Variants in CYP7B1 observed in about 807,000 individuals in gnomAD.
The protein encoded by CYP7B1 is cytochrome P450 family 7 subfamily B member 1.
In CYP7B1, 29 loss-of-function variants were observed where a neutral mutation model predicts 42.7. The observed-to-expected ratio is 0.68, with a 90% CI of 0.51 to 0.93. The LOEUF is 0.93. CYP7B1 is among the 40% of genes least tolerant of loss of function. The probability of loss-of-function intolerance (pLI) is 0.00; values close to 1 mark genes in which losing one functional copy is unlikely to be tolerated. For missense variants in CYP7B1, 655 were observed against 600.5 expected (o/e 1.09, Z -0.95); for synonymous variants, 235 against 218.2 (o/e 1.08, Z -0.68).
At chr8:64,620,361 C>T (rs1404483855) in intron 2 of CYP7B1, among the ~76,000 whole-genome samples, 1 of 151,972 alleles carries the variant, frequency 6.6e-6, no homozygotes, top group Non-Finnish European at 1.5e-5. Context: ...TGTACATATC[C>T]CCCCGCTTAT....
intron 1 of CYP7B1, among the ~76,000 whole-genome samples, chr8:64,666,044 T>A (rs1171306609): frequency 6.6e-6 from 1 of 152,210 alleles, no homozygotes; most frequent in Non-Finnish European, 1.5e-5. Flanking sequence ...AGAAAAGATA[T>A]TTGAATGATA....
At chr8:64,718,742 T>C (rs538870947) in intron 1 of CYP7B1, among the ~76,000 whole-genome samples, 2 of 152,316 alleles carry the variant, frequency 1.3e-5, no homozygotes, top group South Asian at 2.1e-4. Flanking sequence ...CCCCGTAGAA[T>C]GGCAGGTGCA....
At chr8:64,752,161 G>A (rs1807735493) in intron 1 of CYP7B1, among the ~76,000 whole-genome samples, 1 of 150,304 alleles carries the variant, frequency 6.7e-6, no homozygotes, top group South Asian at 2.1e-4. Flanking sequence ...GATCCATGAT[G>A]TATGTACTCC....
chr8:64,672,192 A>G, intron 1 of CYP7B1, among the ~76,000 whole-genome samples: 1 of 152,184 alleles, frequency 6.6e-6, no homozygotes, highest in Non-Finnish European at 1.5e-5. Context: ...TAACTAAGAA[A>G]CAAGCTGAGT....
chr8:64,787,102 C>A (rs79358939), intron 1 of CYP7B1, among the ~76,000 whole-genome samples: 5 of 152,140 alleles, frequency 3.3e-5, no homozygotes. Flanking sequence ...CCTCCTAGGC[C>A]TCTGGGCCTG....
At chr8:64,715,110 A>T (rs991660958) in intron 1 of CYP7B1, among the ~76,000 whole-genome samples, 3 of 152,234 alleles carry the variant, frequency 2.0e-5, no homozygotes, top group Non-Finnish European at 4.4e-5. Context: ...GTCTACTTTG[A>T]AATTTGATAG....
chr8:64,735,034 G>A (rs1807466458), intron 1 of CYP7B1, among the ~76,000 whole-genome samples: 1 of 152,258 alleles, frequency 6.6e-6, no homozygotes, highest in Admixed American at 6.5e-5. Flanking sequence ...GGAGGAGGTG[G>A]AGCTAAGGAG....
At chr8:64,660,387 T>G (rs1295383895) in intron 1 of CYP7B1, among the ~76,000 whole-genome samples, 2 of 152,224 alleles carry the variant, frequency 1.3e-5, no homozygotes, top group Non-Finnish European at 2.9e-5. Flanking sequence ...TTAGAGTGAT[T>G]CTGTTTCAAG....
At chr8:64,693,131 C>A (rs1806772526) in intron 1 of CYP7B1, among the ~76,000 whole-genome samples, 1 of 152,194 alleles carries the variant, frequency 6.6e-6, no homozygotes, top group Non-Finnish European at 1.5e-5. Context: ...CAGAGCCTAG[C>A]CAGAGTATGT....
chr8:64,761,168 A>T (rs1159139127), intron 1 of CYP7B1, among the ~76,000 whole-genome samples: 2 of 152,182 alleles, frequency 1.3e-5, no homozygotes, highest in Non-Finnish European at 2.9e-5. Flanking sequence ...GTAGAATGGT[A>T]GTTGCTAAGG....
chr8:64,674,754 G>A (rs1170018233), intron 1 of CYP7B1, among the ~76,000 whole-genome samples: 1 of 152,040 alleles, frequency 6.6e-6, no homozygotes, highest in East Asian at 1.9e-4. Context: ...TATACCTAAA[G>A]TGTTCTTAAT....
intron 5 of CYP7B1, among the ~76,000 whole-genome samples, chr8:64,602,195 A>G (rs1353254152): frequency 6.6e-6 from 1 of 152,200 alleles, no homozygotes; most frequent in Non-Finnish European, 1.5e-5. Context: ...ATTGCAAAAT[A>G]CTGTGTGTTA....
chr8:64,787,023 G>C (rs184110634), intron 1 of CYP7B1, among the ~76,000 whole-genome samples: 28 of 152,358 alleles, frequency 1.8e-4, no homozygotes. Flanking sequence ...CTGGGACACA[G>C]GGCATGATGT....
At chr8:64,597,936 T>C (rs1157424820) in intron 5 of CYP7B1, among the ~76,000 whole-genome samples, 3 of 152,184 alleles carry the variant, frequency 2.0e-5, no homozygotes, top group African/African-American at 7.2e-5. Context: ...TCCAAAGCAT[T>C]TCAGGTTAAG....
chr8:64,793,704 T>C (rs1316375261), intron 1 of CYP7B1, among the ~76,000 whole-genome samples: 1 of 151,978 alleles, frequency 6.6e-6, no homozygotes, highest in Non-Finnish European at 1.5e-5. Context: ...ACTTTAAACA[T>C]TTTTCTCAAA....
At chr8:64,640,870 G>A (rs946919160) in intron 1 of CYP7B1, among the ~76,000 whole-genome samples, 2 of 152,126 alleles carry the variant, frequency 1.3e-5, no homozygotes, top group Non-Finnish European at 2.9e-5. Flanking sequence ...TTGCACTTGT[G>A]ATGAGCCCAG....
chr8:64,724,271 G>A (rs1369363863), intron 1 of CYP7B1, among the ~76,000 whole-genome samples: 1 of 151,908 alleles, frequency 6.6e-6, no homozygotes, highest in Admixed American at 6.6e-5. Flanking sequence ...CTTAGCCTCC[G>A]AAGTAGCTGG....
At chr8:64,741,883 G>A (rs913422960) in intron 1 of CYP7B1, among the ~76,000 whole-genome samples, 5 of 152,246 alleles carry the variant, frequency 3.3e-5, no homozygotes, top group African/African-American at 4.8e-5. Flanking sequence ...AACTATGTTC[G>A]TTAATTGGAA....
chr8:64,599,855 T>C (rs1805175778), intron 5 of CYP7B1, among the ~76,000 whole-genome samples: 1 of 152,336 alleles, frequency 6.6e-6, no homozygotes, highest in East Asian at 1.9e-4. Context: ...GACCTCATCA[T>C]GTGTGACTAT....
Sources: allele counts gnomAD v4.1 joint callset (sites outside exome capture counted in the v4.1 genomes callset), GRCh38; gene constraint gnomAD v4.1.1; transcripts MANE v1.5; gene names NCBI Gene and HGNC (gene_info 2026-07-23, HGNC 2026-07-21).